Variants in GUCY2C observed in about 807,000 individuals in gnomAD.
GUCY2C encodes the protein guanylyl cyclase C.
Under a neutral mutation model 131.1 loss-of-function variants are expected in GUCY2C, and 118 were observed. That is an observed-to-expected ratio of 0.90 (90% CI 0.78 to 1.05). GUCY2C has a LOEUF of 1.05. GUCY2C is among the 50% of genes least tolerant of loss of function. The pLI, the probability that GUCY2C is intolerant of heterozygous loss-of-function variation, is 0.00. For synonymous variants in GUCY2C, 452 were observed against 457.8 expected (o/e 0.99, Z 0.16); for missense variants, 1,161 against 1,304.4 (o/e 0.89, Z 1.69).
At chr12:14,693,122 C>T (rs940689716) in intron 1 of GUCY2C, among the ~76,000 whole-genome samples, 1 of 152,092 alleles carries the variant, frequency 6.6e-6, no homozygotes, top group African/African-American at 2.4e-5. Flanking sequence ...ACTTTTCATC[C>T]TTTCCTACCG....
chr12:14,694,316 G>C (rs1948621790), intron 1 of GUCY2C, among the ~76,000 whole-genome samples: 1 of 152,178 alleles, frequency 6.6e-6, no homozygotes, highest in Non-Finnish European at 1.5e-5. Context: ...ATTCCAAAGA[G>C]TGACCCGCAA....
intron 10 of GUCY2C, among the ~76,000 whole-genome samples, chr12:14,661,970 C>A (rs1947876079): frequency 6.6e-6 from 1 of 151,996 alleles, no homozygotes; most frequent in Admixed American, 6.6e-5. Context: ...GTGGATCCAA[C>A]CCAAGGAAGC....
chr12:14,692,454 T>C (rs1413879292), intron 1 of GUCY2C, among the ~76,000 whole-genome samples: 3 of 152,174 alleles, frequency 2.0e-5, no homozygotes, highest in Non-Finnish European at 4.4e-5. Context: ...ATAAAAAATG[T>C]TTAAAATGTT....
Position 14,651,319 on chromosome 12 carries a change from T to C in GUCY2C, c.1710+88A>G, listed in dbSNP as rs1947653987. The C allele has an allele frequency of 4.3e-6, 3 of 691,350 alleles. No individual in the cohort carries two copies. In the South Asian group the frequency reaches 5.7e-5, roughly 13 times the overall value. The allele number at this position is 691,350 out of a possible 1,614,324, so 42.8% of individuals were successfully genotyped here. On this transcript the variant is annotated intron_variant, in intron 15 of 26. Transcript: ENST00000261170. ...CCCACCAACTTTCCCTGATTTTCTC[T>C]AATATTATTTTACTCGGTAAATATT...
intron 19 of GUCY2C, among the ~76,000 whole-genome samples, chr12:14,630,027 GGAGGTATGGAGGAAGAGGTA>G (rs111947892): frequency 0.015 from 2,255 of 152,050 alleles, 67 homozygotes; most frequent in African/African-American, 0.052. Context: ...TGGAAAAAAG[GGAGGTATGGAGGAAGAGGTA>G]GGGAGACAGG....
chr12:14,640,118 G>T (rs1182163854), intron 18 of GUCY2C, among the ~76,000 whole-genome samples, 168 bp from the exon 19 acceptor site: 1 of 152,076 alleles, frequency 6.6e-6, no homozygotes, highest in East Asian at 1.9e-4. Context: ...ATTCAATGAG[G>T]CACCCAGTGA....
chr12:14,656,562 C>A lies in GUCY2C; in HGVS notation c.1420G>T (p.Glu474Ter), dbSNP rs1234424881. The A allele has an allele frequency of 3.1e-6, 5 of 1,606,016 alleles. No individual in the cohort carries two copies. The Admixed American group carries it at 8.3e-5, about 27-fold the overall frequency. ...TTGGTCTCCAGAGGAAAGATATTTT[C>A]AGGAGGAATGTGGGACCATTTTTTC... ...RQKKWSHIPP[E>*]NIFPLETNET... is the part of the protein sequence containing the mutation. The change falls in exon 12 of 27, where the codon GAA becomes TAA. Residue 474 changes from glutamate to a stop codon, truncating the protein, a stop_gained. Coordinates refer to ENST00000261170, the MANE Select transcript of GUCY2C (RefSeq NM_004963.4). LOFTEE classifies it high-confidence loss of function.
chr12:14,631,612 T>G (rs1947148814), intron 19 of GUCY2C, among the ~76,000 whole-genome samples: 2 of 150,778 alleles, frequency 1.3e-5, no homozygotes, highest in Non-Finnish European at 3.0e-5. Flanking sequence ...TGCCACATTT[T>G]CTTAATCCAG....
At position 14,613,693 on chromosome 12, in the gene GUCY2C, G is replaced by A. The variant is rs556143111; in HGVS notation, c.3048-402C>T. On this transcript the variant is annotated intron_variant, in intron 26 of 26. Transcript: ENST00000261170. The surrounding 1 kb of genome is among the most constrained non-coding windows in gnomAD (Gnocchi z 4.9). ...GGGGAAGGCTTAGAATGGTGGAGGGGACCACGAGTTTAGAATGGACCTGGA... is the reference window on the plus strand; with the variant it reads ...GGGGAAGGCTTAGAATGGTGGAGGGAACCACGAGTTTAGAATGGACCTGGA... 1.3e-5 allele frequency among the ~76,000 whole-genome samples: 2 copies of A among 152,178 alleles called. No individual in the cohort carries two copies. Among genetic ancestry groups the A allele is most frequent in the East Asian group, 1.9e-4 (1 of 5,158 alleles).
At chr12:14,668,168 A>T (rs905597063) in intron 10 of GUCY2C, among the ~76,000 whole-genome samples, 5 of 147,312 alleles carry the variant, frequency 3.4e-5, no homozygotes, top group African/African-American at 1.0e-4. Context: ...TATGTCCACT[A>T]ATTTATATAT....
intron 11 of GUCY2C, among the ~76,000 whole-genome samples, chr12:14,660,502 A>C (rs1406981364): frequency 6.6e-6 from 1 of 152,218 alleles, no homozygotes; most frequent in African/African-American, 2.4e-5. Flanking sequence ...TCAGGCTAAA[A>C]TAGGAGATTT....
Position 14,656,590 on chromosome 12 carries a change from A to C in GUCY2C, c.1392T>G (p.Arg464=). ...GAGGAATGTGGGACCATTTTTTCTG[A>C]CGAAGTTCATAATCTTTTCTATATT... ...LRKYRKDYEL[R]QKKWSHIPPE... Residue 464 remains arginine, a synonymous_variant, in exon 12 of 27, where the codon CGT becomes CGG. Coordinates refer to ENST00000261170, the MANE Select transcript of GUCY2C (RefSeq NM_004963.4). The C allele has an allele frequency of 6.3e-7, 1 of 1,586,748 alleles. No individual in the cohort carries two copies. Among genetic ancestry groups the C allele is most frequent in the Non-Finnish European group, 8.7e-7 (1 of 1,155,078 alleles).
chr12:14,670,985 G>A (rs555558757), intron 9 of GUCY2C, among the ~76,000 whole-genome samples: 37 of 151,638 alleles, frequency 2.4e-4, no homozygotes, highest in African/African-American at 7.2e-4. Flanking sequence ...TGATAAACCC[G>A]TAAGATCTCG....
At chr12:14,643,276 T>C (rs1425820502) in intron 17 of GUCY2C, among the ~76,000 whole-genome samples, 1 of 152,232 alleles carries the variant, frequency 6.6e-6, no homozygotes, top group Non-Finnish European at 1.5e-5. Context: ...GGTCTCTTCC[T>C]GCTCTAACCT....
chr12:14,637,821 G>T (rs865785069), intron 19 of GUCY2C, among the ~76,000 whole-genome samples: 2 of 152,194 alleles, frequency 1.3e-5, no homozygotes, highest in Non-Finnish European at 2.9e-5. Context: ...TTTAGGCAAA[G>T]ATTTTATGGC....
intron 4 of GUCY2C, 79 bp downstream of exon 4, chr12:14,682,963 G>A: frequency 3.3e-6 from 3 of 896,800 alleles, no homozygotes; most frequent in Admixed American, 3.7e-5. Context: ...GGTGCATCTG[G>A]TAATAACTAG....
chr12:14,687,210 A>C (rs1424920618), intron 2 of GUCY2C, among the ~76,000 whole-genome samples: 1 of 152,334 alleles, frequency 6.6e-6, no homozygotes, highest in Non-Finnish European at 1.5e-5. Flanking sequence ...TATGGTGATG[A>C]CTTGAAACAG....
At chr12:14,672,457 C>T (rs1284617379) in intron 9 of GUCY2C, 1 of 153,488 alleles carries the variant, frequency 6.5e-6, no homozygotes, top group African/African-American at 2.4e-5. Flanking sequence ...CCTGAGAGTT[C>T]AAATGGAGAT....
intron 10 of GUCY2C, among the ~76,000 whole-genome samples, chr12:14,664,516 C>G (rs1028592367): frequency 6.6e-6 from 1 of 151,662 alleles, no homozygotes; most frequent in Non-Finnish European, 1.5e-5. Context: ...TTTAAATATA[C>G]TATTTAAATG....
Sources: allele counts gnomAD v4.1 joint callset (sites outside exome capture counted in the v4.1 genomes callset), GRCh38; gene constraint gnomAD v4.1.1; non-coding constraint Gnocchi (gnomAD v3.1); transcripts MANE v1.5; gene names NCBI Gene and HGNC (gene_info 2026-07-23, HGNC 2026-07-21).